Variants in PLEKHG4B observed in about 807,000 individuals in gnomAD.
PLEKHG4B encodes pleckstrin homology and RhoGEF domain containing G4B.
A neutral mutation model predicts 121.3 loss-of-function variants in PLEKHG4B; 111 were observed. The ratio of observed to expected loss-of-function variants is 0.92; its 90% CI spans 0.78 to 1.07. PLEKHG4B has a LOEUF of 1.07. PLEKHG4B is among the 50% of genes least tolerant of loss of function. The pLI is 0.00. For missense variants in PLEKHG4B, 1,831 were observed against 1,757.8 expected (o/e 1.04, Z -0.74); for synonymous variants, 738 against 725.0 (o/e 1.02, Z -0.29).
chr5:162,818 G>T lies in PLEKHG4B; in HGVS notation c.2746G>T (p.Ala916Ser). Residue 916 changes from alanine (A) to serine (S), a missense_variant, in exon 13 of 20, where the codon GCT (alanine) becomes TCT (serine). Transcript: ENST00000637938. ...CTGTCACCAGGAGGCTACCTCGGTG[G>T]CTGCAGAGGCCTTCCCCGGGGCAGG... is the stretch of plus-strand genomic sequence containing the variant. Reference protein sequence around the residue: ...RSCHQEATSVAAEAFPGAGVA... With the variant: ...RSCHQEATSVSAEAFPGAGVA... The T allele has an allele frequency of 6.6e-7, 1 of 1,506,018 alleles. No individual in the cohort carries two copies. 93.3% of individuals were successfully genotyped at this position (1,506,018 alleles called of 1,614,324 possible). A position where few individuals can be genotyped will look rare whatever the true frequency, so the allele number is the denominator to read the frequency against.
intron 2 of PLEKHG4B, among the ~76,000 whole-genome samples, chr5:125,590 C>T (rs908896900): frequency 6.6e-6 from 1 of 152,058 alleles, no homozygotes; most frequent in African/African-American, 2.4e-5. Context: ...TCTAATAATT[C>T]TTATAAATAT....
chr5:147,161 G>A (rs1036983268), intron 6 of PLEKHG4B, among the ~76,000 whole-genome samples: 1 of 152,242 alleles, frequency 6.6e-6, no homozygotes, highest in Non-Finnish European at 1.5e-5. Context: ...AGCACAGGCC[G>A]AGGTCCAGAC....
At chr5:162,676 C>T in intron 12 of PLEKHG4B, 46 bp from the exon 13 acceptor site, 1 of 1,299,464 alleles carries the variant, frequency 7.7e-7, no homozygotes, top group Non-Finnish European at 9.9e-7. Flanking sequence ...GGCTCCAGGG[C>T]AGCCCCTCCT....
chr5:124,197 G>C (rs1041616620), intron 2 of PLEKHG4B, among the ~76,000 whole-genome samples: 1 of 151,966 alleles, frequency 6.6e-6, no homozygotes, highest in African/African-American at 2.4e-5. Flanking sequence ...TGTGATCGGC[G>C]AAGATAATTT....
chr5:98,865 A>ATTTTT (rs1553979053), intron 1 of PLEKHG4B, among the ~76,000 whole-genome samples: 3 of 119,706 alleles, frequency 2.5e-5, no homozygotes, highest in African/African-American at 1.2e-4. Flanking sequence ...TTCAAAAAAA[A>ATTTTT]TTTTTTGGGG....
At chr5:169,233 C>T (rs1736453977) in intron 13 of PLEKHG4B, 107 bp from the exon 14 acceptor site, 1 of 1,477,040 alleles carries the variant, frequency 6.8e-7, no homozygotes, top group Non-Finnish European at 9.2e-7. Flanking sequence ...ACATGTGACC[C>T]TGCTCATCCC....
In PLEKHG4B at chr5:182,212, C is replaced by G; in HGVS notation, c.4773C>G (p.Ile1591Met). ...SPAHSPWSSD[I>M]RACVEEDEPE... is the part of the protein sequence containing the mutation. ...CCCACAGCCCCTGGTCATCTGATAT[C>G]AGAGCCTGCGTCGAGGAAGATGAGC... The change falls in exon 20 of 20, where the codon ATC (isoleucine) becomes ATG (methionine). Residue 1591 changes from isoleucine to methionine, a missense_variant. By Grantham distance (10) the Ile-to-Met change is conservative. Coordinates refer to ENST00000637938, the MANE Select transcript of PLEKHG4B (RefSeq NM_052909.5). The G allele has an allele frequency of 6.2e-7, 1 of 1,613,922 alleles. No homozygotes were observed. Among genetic ancestry groups the G allele is most frequent in the South Asian group, 1.1e-5 (1 of 91,080 alleles).
At chr5:121,038 A>G (rs1334030443) in intron 2 of PLEKHG4B, among the ~76,000 whole-genome samples, 1 of 152,044 alleles carries the variant, frequency 6.6e-6, no homozygotes, top group African/African-American at 2.4e-5. Context: ...CGAGGTCAGG[A>G]GATCGAGACC....
chr5:134,075 G>GAA (rs1734864807), intron 2 of PLEKHG4B, among the ~76,000 whole-genome samples: 3 of 51,164 alleles, frequency 5.9e-5, no homozygotes, highest in Admixed American at 2.8e-4. Flanking sequence ...ATATATGATA[G>GAA]AATATATATA....
intron 13 of PLEKHG4B, among the ~76,000 whole-genome samples, chr5:167,204 C>T (rs1158567267): frequency 6.6e-6 from 1 of 152,214 alleles, no homozygotes; most frequent in African/African-American, 2.4e-5. Flanking sequence ...GACACTGGGC[C>T]TCGGCCTTCC....
At chr5:96,455 A>G (rs2126326455) in intron 1 of PLEKHG4B, among the ~76,000 whole-genome samples, 1 of 152,378 alleles carries the variant, frequency 6.6e-6, no homozygotes, top group African/African-American at 2.4e-5. Flanking sequence ...AGGAATTACA[A>G]CTGTAATATG....
At chr5:165,397 A>C (rs1366937126) in intron 13 of PLEKHG4B, among the ~76,000 whole-genome samples, 1 of 25,956 alleles carries the variant, frequency 3.9e-5, no homozygotes, top group Non-Finnish European at 8.0e-5. Context: ...GACGGGGCGG[A>C]GCTCACACTA....
In PLEKHG4B at chr5:182,696, G is replaced by A; in HGVS notation, c.*373G>A. ...AAAACGGGAGGTGAGCCCGGTGATG[G>A]CCTCAGACCTCCCTCCGCCTTGAGA... On this transcript the variant is annotated 3_prime_UTR_variant, in exon 20 of 20. Transcript: ENST00000637938. 1 of 252,512 alleles carries A rather than the reference G, an allele frequency of 4.0e-6. No individual in the cohort carries two copies. The highest frequency in any genetic ancestry group is 5.5e-5 in the South Asian group (1 of 18,320). 15.6% of individuals were successfully genotyped at this position (252,512 alleles called of 1,614,324 possible).
rs12516846 is a variant in PLEKHG4B, at chr5:140,417, T to C, written c.1178T>C (p.Val393Ala). 197,156 of 1,557,824 alleles carry C rather than the reference T, an allele frequency of 0.13. 15,690 individuals carry two copies. The highest frequency in any genetic ancestry group is 0.37 in the African/African-American group (27,231 of 73,336). ...GASRDLGTGA[V>A]ASGTQEETSG... ...AGCAGGGACCTGGGGACTGGGGCAGTAGCCAGTGGGACCCAGGAGGAAACC... is the reference window on the plus strand; with the variant it reads ...AGCAGGGACCTGGGGACTGGGGCAGCAGCCAGTGGGACCCAGGAGGAAACC... The change falls in exon 3 of 20, where the codon GTA becomes GCA. Residue 393 changes from valine (V) to alanine (A), a missense_variant. By Grantham distance (64) the Val-to-Ala change is moderately conservative. Coordinates refer to ENST00000637938, the MANE Select transcript of PLEKHG4B (RefSeq NM_052909.5).
intron 1 of PLEKHG4B, among the ~76,000 whole-genome samples, chr5:107,214 A>G (rs1195749713): frequency 6.6e-6 from 1 of 152,130 alleles, no homozygotes; most frequent in Non-Finnish European, 1.5e-5. Context: ...GGCCACATGT[A>G]CCCATCAGTC....
At chr5:142,960 C>T in intron 3 of PLEKHG4B, 87 bp from the exon 4 acceptor site, 1 of 1,296,434 alleles carries the variant, frequency 7.7e-7, no homozygotes, top group Non-Finnish European at 1.1e-6. Flanking sequence ...GTTTTTGTCC[C>T]ATGGTTCATA....
At chr5:134,033 T>G (rs1579268276) in intron 2 of PLEKHG4B, among the ~76,000 whole-genome samples, 1 of 140,884 alleles carries the variant, frequency 7.1e-6, no homozygotes, top group East Asian at 2.0e-4. Flanking sequence ...ATGGAATATA[T>G]ATAGATAGAA....
chr5:135,704 T>TATATATATATATAC (rs1734962252), intron 2 of PLEKHG4B, among the ~76,000 whole-genome samples: 2 of 91,416 alleles, frequency 2.2e-5, no homozygotes, highest in African/African-American at 1.1e-4. Context: ...TATATATATA[T>TATATATATATATAC]ATATATATAT....
intron 1 of PLEKHG4B, among the ~76,000 whole-genome samples, chr5:109,741 G>A (rs1037304017): frequency 5.3e-5 from 8 of 152,196 alleles, no homozygotes; most frequent in Non-Finnish European, 1.2e-4. Flanking sequence ...ATGGGTTTTC[G>A]GACACCGTCT....
Sources: gnomAD v4.1 joint callset for allele counts (sites outside exome capture counted in the v4.1 genomes callset) on GRCh38, gnomAD v4.1.1 for gene constraint, MANE v1.5 for transcripts, NCBI Gene and HGNC (gene_info 2026-07-23, HGNC 2026-07-21) for gene names.